ZNF112: variants seen among roughly 807,000 people sequenced by gnomAD.
The protein encoded by ZNF112 is zinc finger protein 112, also known as zinc finger protein 112 (Y14).
Under a neutral mutation model 77.7 loss-of-function variants are expected in ZNF112, and 37 were observed. The ratio of observed to expected loss-of-function variants is 0.48; its 90% CI spans 0.37 to 0.63. ZNF112 has a LOEUF of 0.63. ZNF112 is among the 20% of genes least tolerant of loss of function. The probability of loss-of-function intolerance (pLI) is 0.00; values close to 1 mark genes in which losing one functional copy is unlikely to be tolerated. For missense variants in ZNF112, 950 were observed against 1,077.4 expected (o/e 0.88, Z 1.66); for synonymous variants, 333 against 363.6 (o/e 0.92, Z 0.96).
chr19:44,338,084 T>G (rs1211516838), intron 2 of ZNF112, among the ~76,000 whole-genome samples: 1 of 150,446 alleles, frequency 6.6e-6, no homozygotes. Flanking sequence ...AAAAAAAAAT[T>G]GGGGACATGT....
chr19:44,328,338 C>T lies in ZNF112; in HGVS notation c.1819G>A (p.Glu607Lys). 1 of 1,614,018 alleles carries T rather than the reference C, an allele frequency of 6.2e-7. No homozygotes were observed. The highest frequency in any genetic ancestry group is 8.5e-7 in the Non-Finnish European group (1 of 1,179,976). Residue 607 changes from glutamate to lysine, a missense_variant, in exon 4 of 4, where the codon GAG (glutamate) becomes AAG (lysine). Glu to Lys is a moderately conservative substitution (Grantham distance 56). Coordinates refer to ENST00000354340, the MANE Select transcript of ZNF112 (RefSeq NM_013380.4). ...HTGEKPYKCE[E>K]CGKGFSRSSH... The stretch of plus-strand genomic sequence containing the variant: ...CTCCGACTGAAGCCCTTCCCACACT[C>T]CTCACACTTGTATGGTTTTTCTCCA...
At chr19:44,357,248 AG>A (rs1204149824), upstream of ZNF112, among the ~76,000 whole-genome samples, 7 of 152,156 alleles carry the variant, frequency 4.6e-5, no homozygotes, top group African/African-American at 1.7e-4. Flanking sequence ...ACTCAACCAA[AG>A]CGGACTTTAC....
chr19:44,338,425 T>C (rs1392274679), intron 2 of ZNF112, among the ~76,000 whole-genome samples: 3 of 152,062 alleles, frequency 2.0e-5, no homozygotes, highest in African/African-American at 7.2e-5. Context: ...AAGCAGTAAT[T>C]ATATAGTGGG....
At chr19:44,341,215 T>C (rs899442923) in intron 1 of ZNF112, 15 of 456,364 alleles carry the variant, frequency 3.3e-5, no homozygotes, top group African/African-American at 2.6e-4. Flanking sequence ...ATTAATATTT[T>C]CATTATATCT....
chr19:44,336,328 A>T (rs955372003), intron 3 of ZNF112, among the ~76,000 whole-genome samples: 1 of 152,228 alleles, frequency 6.6e-6, no homozygotes, highest in East Asian at 1.9e-4. Context: ...AGAGAAAAGC[A>T]AGTCAAGGAA....
intron 2 of ZNF112, among the ~76,000 whole-genome samples, chr19:44,336,961 C>T (rs936227131): frequency 3.3e-5 from 5 of 151,532 alleles, no homozygotes; most frequent in African/African-American, 7.3e-5. Context: ...CAACTGCAGC[C>T]TCAACCCCTG....
chr19:44,355,736 C>T (rs1258908153), intron 1 of ZNF112, among the ~76,000 whole-genome samples: 1 of 152,218 alleles, frequency 6.6e-6, no homozygotes, highest in Non-Finnish European at 1.5e-5. Flanking sequence ...TTAGAATGAT[C>T]AGCACTAAAT....
At chr19:44,340,816 A>G (rs1253891073) in intron 1 of ZNF112, among the ~76,000 whole-genome samples, 1 of 152,238 alleles carries the variant, frequency 6.6e-6, no homozygotes, top group Non-Finnish European at 1.5e-5. Context: ...AATTGTAATA[A>G]TAATGTCATT....
upstream of ZNF112, among the ~76,000 whole-genome samples, chr19:44,359,763 T>C (rs550413715): frequency 6.6e-6 from 1 of 152,322 alleles, no homozygotes; most frequent in African/African-American, 2.4e-5. Flanking sequence ...TCAAACCACT[T>C]TTAAGTAATC....
intron 3 of ZNF112, 133 bp from the exon 4 acceptor site, chr19:44,330,069 A>G (rs951283640): frequency 3.9e-5 from 26 of 660,230 alleles, no homozygotes; most frequent in Admixed American, 6.2e-5. Flanking sequence ...TTCTAAGAAT[A>G]CTTAGAAAAT....
Position 44,337,011 on chromosome 19 carries a change from G to A in ZNF112, c.125-293C>T, listed in dbSNP as rs138747650. Among the ~76,000 whole-genome samples, 564 of 151,352 alleles carry A rather than the reference G, an allele frequency of 3.7e-3. 3 individuals are homozygous for A. The highest frequency in any genetic ancestry group is 0.013 in the African/African-American group (529 of 41,256). ...TCCCACCTGGGCCTCCAGAGTAGCC[G>A]GGACCATGGGTGTGCATCATTATGC... On this transcript the variant is annotated intron_variant, in intron 2 of 3. Transcript: ENST00000354340.
chr19:44,326,655 G>A lies in ZNF112; in HGVS notation c.*778C>T, dbSNP rs1970126904. On this transcript the variant is annotated 3_prime_UTR_variant, in exon 4 of 4. Transcript: ENST00000354340. ...CTCTGCCTTAATTCACAGGGCAGGA[G>A]TAGAAAATCAATTATGTAAAATACA... The A allele has an allele frequency of 6.6e-6, 1 of 152,174 alleles. No individual in the cohort carries two copies. The highest frequency in any genetic ancestry group is 1.9e-4 in the East Asian group (1 of 5,204). 9.4% of individuals were successfully genotyped at this position (152,174 alleles called of 1,614,324 possible).
Position 44,331,965 on chromosome 19 carries a change from T to A in ZNF112, c.221-2029A>T, listed in dbSNP as rs144020198. Among the ~76,000 whole-genome samples the A allele has an allele frequency of 2.5e-3, 386 of 152,212 alleles. 3 individuals carry two copies. Among genetic ancestry groups the A allele is most frequent in the Middle Eastern group, 0.01 (3 of 294 alleles). ...AAAAATGTAAGATCAAAAAGACCCA[T>A]AGGCAGGGCCTGTGGATTGAGTCTT... On this transcript the variant is annotated intron_variant, in intron 3 of 3. Coordinates refer to ENST00000354340, the MANE Select transcript of ZNF112 (RefSeq NM_013380.4).
chr19:44,347,539 G>T (rs1333232426), intron 1 of ZNF112, among the ~76,000 whole-genome samples: 2 of 71,078 alleles, frequency 2.8e-5, no homozygotes, highest in African/African-American at 4.4e-5. Context: ...TTAGCTTTTG[G>T]CTATATGTCC....
At chr19:44,364,551 A>G (rs188348389) in intron 1 of ZNF112, among the ~76,000 whole-genome samples, 1 of 152,132 alleles carries the variant, frequency 6.6e-6, no homozygotes, top group Non-Finnish European at 1.5e-5. Context: ...GGTCACCTCA[A>G]TCTCTGTCAT....
rs1164595230 is a variant in ZNF112 at position 44,335,459 on chromosome 19, A to ATATGAGG, written c.220+1157_220+1163dup. Among the ~76,000 whole-genome samples the ATATGAGG allele has an allele frequency of 2.6e-5, 4 of 152,380 alleles. No homozygotes were observed. In the East Asian group the frequency reaches 7.7e-4, roughly 29 times the overall value. On this transcript the variant is annotated intron_variant, in intron 3 of 3. Transcript: ENST00000354340. ...ATGTACATAACAAATTTTTACATTAATATGAGGTATATGATCATGTTAGTA... is the reference window on the plus strand; with the variant it reads ...ATGTACATAACAAATTTTTACATTAATATGAGGTATGAGGTATATGATCATGTTAGTA...
chr19:44,328,088 T>C lies in ZNF112; in HGVS notation c.2069A>G (p.Asp690Gly), dbSNP rs2123133454. Residue 690 changes from aspartate (D) to glycine (G), a missense_variant, in exon 4 of 4, where the codon GAT (aspartate) becomes GGT (glycine). This residue lies in a region of ZNF112 where 373 missense variants were observed against 482.8 expected (regional missense o/e 0.77). Transcript: ENST00000354340. ...VHTGEKPYQCDECGKSFSQRS... is the reference protein window; with the variant it reads ...VHTGEKPYQCGECGKSFSQRS... ...CTGACTGAAACTCTTACCACACTCA[T>C]CACATTGGTATGGCTTCTCTCCCGT... 1 of 1,614,060 alleles carries C rather than the reference T, an allele frequency of 6.2e-7. No homozygotes were observed. The highest frequency in any genetic ancestry group is 1.1e-5 in the South Asian group (1 of 91,090).
At chr19:44,334,648 T>C (rs1970332287) in intron 3 of ZNF112, among the ~76,000 whole-genome samples, 1 of 152,230 alleles carries the variant, frequency 6.6e-6, no homozygotes, top group Admixed American at 6.5e-5. Context: ...CACCCTGCAT[T>C]GTAGCTGCTC....
chr19:44,360,532 G>A (rs1201717630), upstream of ZNF112, among the ~76,000 whole-genome samples: 2 of 152,082 alleles, frequency 1.3e-5, no homozygotes, highest in East Asian at 3.9e-4. Context: ...ACAAAATAAT[G>A]ATGTCCACCC....
Sources: gnomAD v4.1 joint callset for allele counts (sites outside exome capture counted in the v4.1 genomes callset) on GRCh38, gnomAD v4.1.1 for gene constraint, gnomAD v4.1.1 regional missense constraint, MANE v1.5 for transcripts, NCBI Gene and HGNC (gene_info 2026-07-23, HGNC 2026-07-21) for gene names.